The following SYT16 variants were observed in gnomAD, a reference collection of about 807,000 sequenced individuals.
SYT16 encodes the protein synaptotagmin-16.
SYT16 carries 42 observed loss-of-function variants against 61.4 expected under a neutral mutation model. The ratio of observed to expected loss-of-function variants is 0.68; its 90% confidence interval spans 0.53 to 0.89. The LOEUF is 0.89. SYT16 is among the 40% of genes least tolerant of loss of function. The probability of loss-of-function intolerance (pLI) is 0.00; values close to 1 mark genes in which losing one functional copy is unlikely to be tolerated. For synonymous variants in SYT16, 314 were observed against 302.3 expected, an observed-to-expected ratio of 1.04 and a Z score of -0.40; for missense variants, 804 against 807.3, an observed-to-expected ratio of 1.00 and a Z score of 0.05.
intron 3 of SYT16, among the ~76,000 whole-genome samples, chr14:62,011,244 G>A (rs1476769937): frequency 3.3e-5 from 5 of 151,986 alleles, no homozygotes. Flanking sequence ...GTTATCTTTG[G>A]GACCCAGTTT....
chr14:62,085,409 G>C lies in SYT16; in HGVS notation c.1624+1024G>C, dbSNP rs549351431. ...TTTGAGTCAGGAAGGTAAACTAGAA[G>C]GGAGTAGAGTAGAGGGCTAGGGAGC... On this transcript the variant is annotated intron_variant, in intron 7 of 7. Transcript: ENST00000683842. Among the ~76,000 whole-genome samples the C allele has an allele frequency of 2.0e-5, 3 of 152,296 alleles. No individual in the cohort carries two copies. In the South Asian group the frequency reaches 6.2e-4, roughly 32 times the overall value.
At position 62,100,970 on chromosome 14, in the gene SYT16, C is replaced by T; in HGVS notation, c.*263C>T. The T allele has an allele frequency of 8.1e-6, 3 of 369,094 alleles. No homozygotes were observed. Among genetic ancestry groups the T allele is most frequent in the Non-Finnish European group, 9.8e-6 (2 of 203,934 alleles). 22.9% of individuals were successfully genotyped at this position (369,094 alleles called of 1,614,324 possible). A position where few individuals can be genotyped will look rare whatever the true frequency, so the allele number is the denominator to read the frequency against. The stretch of plus-strand genomic sequence containing the variant: ...AGACCACTGATGAGTTAATTTGTGC[C>T]AATAGATCATTGAGTTTTAGTTCAG... On this transcript the variant is annotated 3_prime_UTR_variant, in exon 8 of 8. Coordinates refer to ENST00000683842, the MANE Select transcript of SYT16 (RefSeq NM_001367656.1).
chr14:61,973,066 AC>A (rs1243999404), intron 2 of SYT16, among the ~76,000 whole-genome samples: 1 of 152,244 alleles, frequency 6.6e-6, no homozygotes, highest in African/African-American at 2.4e-5. Context: ...AATATCAGAA[AC>A]TGAATTATTT....
intron 1 of SYT16, among the ~76,000 whole-genome samples, chr14:61,843,765 A>G (rs1187248727): frequency 1.3e-5 from 2 of 152,176 alleles, no homozygotes; most frequent in African/African-American, 2.4e-5. Context: ...TGGTGTATGC[A>G]TCTGCTCTTA....
intron 1 of SYT16, among the ~76,000 whole-genome samples, chr14:61,872,661 A>C (rs1454096412): frequency 2.0e-5 from 3 of 152,192 alleles, no homozygotes; most frequent in African/African-American, 7.2e-5. Context: ...GAGAAGAGGA[A>C]CTGAGTAGAA....
At chr14:61,865,235 C>G (rs1594784613) in intron 1 of SYT16, 1 of 971,598 alleles carries the variant, frequency 1.0e-6, no homozygotes, top group East Asian at 2.4e-5. Flanking sequence ...CCATCTGTTG[C>G]TGGACATCAG....
At chr14:62,069,258 T>A (rs1397690587) in intron 3 of SYT16, among the ~76,000 whole-genome samples, 1 of 152,236 alleles carries the variant, frequency 6.6e-6, no homozygotes, top group Non-Finnish European at 1.5e-5. Flanking sequence ...GCAAATGTGC[T>A]GATAAACGTT....
At chr14:62,017,670 C>T (rs1447676941) in intron 3 of SYT16, among the ~76,000 whole-genome samples, 1 of 152,110 alleles carries the variant, frequency 6.6e-6, no homozygotes, top group African/African-American at 2.4e-5. Flanking sequence ...GCTGCGTCTT[C>T]CCACCATCAC....
chr14:61,949,512 C>A (rs542718049), intron 1 of SYT16, among the ~76,000 whole-genome samples: 1 of 152,184 alleles, frequency 6.6e-6, no homozygotes, highest in Non-Finnish European at 1.5e-5. Context: ...TGGCTGTTCA[C>A]AGGTATAATC....
chr14:61,829,422 G>C (rs149390452), intron 1 of SYT16, among the ~76,000 whole-genome samples: 127 of 152,074 alleles, frequency 8.4e-4, no homozygotes, highest in African/African-American at 3.0e-3. Flanking sequence ...AGTTTAGTTA[G>C]GTTTTTCAAT....
At position 61,991,151 on chromosome 14, in the gene SYT16, A is replaced by AAC. The variant is rs201505217; in HGVS notation, c.-144-4711_-144-4710dup. ...GTTTGTGATAGAAGCTTGTATGGTA[A>AAC]ACACACACACACACATACACACACA... On this transcript the variant is annotated intron_variant, in intron 2 of 7. Coordinates refer to ENST00000683842, the MANE Select transcript of SYT16 (RefSeq NM_001367656.1). 4.6e-5 allele frequency among the ~76,000 whole-genome samples: 7 copies of AAC among 151,506 alleles called. No homozygotes were observed. The South Asian group carries it at 6.2e-4, about 13-fold the overall frequency.
chr14:61,834,428 C>CTTTTTTTTTTTTTTTTTTT (rs35260303), intron 1 of SYT16, among the ~76,000 whole-genome samples: 1 of 76,878 alleles, frequency 1.3e-5, no homozygotes, highest in African/African-American at 6.5e-5. Flanking sequence ...CCGTGCCTGG[C>CTTTTTTTTTTTTTTTTTTT]TTTTTTTTTT....
At chr14:62,009,610 C>T (rs1044713056) in intron 3 of SYT16, among the ~76,000 whole-genome samples, 4 of 152,118 alleles carry the variant, frequency 2.6e-5, no homozygotes, top group African/African-American at 9.7e-5. Context: ...CGGGATCCTC[C>T]TAGGTTCTCC....
chr14:62,017,410 A>T (rs2053732421), intron 3 of SYT16, among the ~76,000 whole-genome samples: 1 of 152,148 alleles, frequency 6.6e-6, no homozygotes, highest in Non-Finnish European at 1.5e-5. Context: ...GAATTATCCA[A>T]GCATATGCTT....
At chr14:62,038,909 C>T (rs77735111) in intron 3 of SYT16, among the ~76,000 whole-genome samples, 360 of 152,204 alleles carry the variant, frequency 2.4e-3, no homozygotes, top group African/African-American at 8.0e-3. Flanking sequence ...ATAAACGTTG[C>T]GTAGAGTTCT....
chr14:61,944,579 A>G (rs978904847), intron 1 of SYT16, among the ~76,000 whole-genome samples: 3 of 152,082 alleles, frequency 2.0e-5, no homozygotes, highest in Non-Finnish European at 4.4e-5. Flanking sequence ...AAATAATACC[A>G]CACATACATC....
intron 1 of SYT16, among the ~76,000 whole-genome samples, chr14:61,924,498 T>C (rs1435245763): frequency 1.3e-5 from 2 of 152,198 alleles, no homozygotes; most frequent in Admixed American, 1.3e-4. Flanking sequence ...CGAGGGTGTA[T>C]TTCCTTTTCA....
At position 61,910,682 on chromosome 14, in the gene SYT16, C is replaced by T. The variant is rs573928183; in HGVS notation, c.-324-59450C>T. ...TAGCTGGGATTACAGTCATGCACCA[C>T]CACGCCAGGCTAATTCTTGTATTTT... On this transcript the variant is annotated intron_variant, in intron 1 of 7. Transcript: ENST00000683842. Among the ~76,000 whole-genome samples, 3 of 151,994 alleles carry T rather than the reference C, an allele frequency of 2.0e-5. No homozygotes were observed. In the East Asian group the frequency reaches 5.8e-4, roughly 29 times the overall value.
chr14:61,894,254 C>T (rs539202572), intron 1 of SYT16, among the ~76,000 whole-genome samples: 8 of 151,212 alleles, frequency 5.3e-5, no homozygotes, highest in African/African-American at 9.7e-5. Context: ...CATTGCACTC[C>T]GGCCTGGGCA....
Sources: gnomAD v4.1 joint callset for allele counts (sites outside exome capture counted in the v4.1 genomes callset) on GRCh38, gnomAD v4.1.1 for gene constraint, MANE v1.5 for transcripts, NCBI Gene and HGNC (gene_info 2026-07-23, HGNC 2026-07-21) for gene names.